PPP2R3A: variants seen among roughly 807,000 people sequenced by gnomAD.
PPP2R3A encodes serine/threonine-protein phosphatase 2A regulatory subunit B'' subunit alpha.
Under a neutral mutation model 106.9 loss-of-function variants are expected in PPP2R3A, and 80 were observed. The ratio of observed to expected loss-of-function variants is 0.75; its 90% CI spans 0.62 to 0.90. The LOEUF (loss-of-function observed/expected upper bound fraction) is 0.90. Ranked by LOEUF, PPP2R3A falls within the 40% of genes least tolerant of loss-of-function variation. PPP2R3A has a pLI of 0.00. For missense variants in PPP2R3A, 1,386 were observed against 1,350.4 expected, an observed-to-expected ratio of 1.03 and a Z score of -0.41; for synonymous variants, 483 against 468.3, an observed-to-expected ratio of 1.03 and a Z score of -0.41.
chr3:136,131,808 T>C (rs1029358317), intron 13 of PPP2R3A, among the ~76,000 whole-genome samples: 4 of 152,194 alleles, frequency 2.6e-5, no homozygotes, highest in African/African-American at 9.7e-5. Flanking sequence ...GTGGTACATA[T>C]ACACCATGGA....
chr3:136,109,262 GACTA>G (rs1456387867), intron 13 of PPP2R3A, among the ~76,000 whole-genome samples: 2 of 152,234 alleles, frequency 1.3e-5, no homozygotes, highest in South Asian at 4.1e-4. Context: ...ACTAAAGCCA[GACTA>G]ACTATTCTAA....
At chr3:136,068,687 C>A (rs6439623) in intron 5 of PPP2R3A, among the ~76,000 whole-genome samples, 69,544 of 152,058 alleles carry the variant, frequency 0.46, 18,344 homozygotes, top group African/African-American at 0.74. Flanking sequence ...AATGAGAGAA[C>A]TTTTGAGGAG....
At chr3:136,011,043 A>G (rs1207398390) in intron 2 of PPP2R3A, among the ~76,000 whole-genome samples, 3 of 152,054 alleles carry the variant, frequency 2.0e-5, no homozygotes, top group Admixed American at 6.5e-5. Context: ...CTTTCTAAAT[A>G]TACCAGACAT....
At chr3:136,093,195 G>A (rs964954787) in intron 10 of PPP2R3A, among the ~76,000 whole-genome samples, 9 of 152,194 alleles carry the variant, frequency 5.9e-5, no homozygotes, top group Non-Finnish European at 1.2e-4. Flanking sequence ...GATTGCCCAA[G>A]CTCAGGAATT....
chr3:136,084,291 C>G (rs1391789565), intron 8 of PPP2R3A, among the ~76,000 whole-genome samples: 2 of 152,254 alleles, frequency 1.3e-5, no homozygotes, highest in African/African-American at 4.8e-5. Context: ...CAACATACAG[C>G]TCAGGCCGTT....
chr3:136,077,209 G>T (rs1400443825), intron 6 of PPP2R3A, among the ~76,000 whole-genome samples: 1 of 152,082 alleles, frequency 6.6e-6, no homozygotes, highest in African/African-American at 2.4e-5. Context: ...GATAGCAGGG[G>T]TGGGGTAGTG....
intron 13 of PPP2R3A, among the ~76,000 whole-genome samples, chr3:136,129,501 G>C (rs555596326): frequency 5.3e-5 from 8 of 152,124 alleles, no homozygotes; most frequent in Non-Finnish European, 8.8e-5. Context: ...CCAATAACAG[G>C]CTCTGAAATT....
chr3:136,138,695 A>ATTTTTTTTTTTTTTTTTTTTT lies in PPP2R3A; in HGVS notation c.3330-6333_3330-6313dup, dbSNP rs747811648. ...AGACTCCAAACTAGAGAAATATTGA[A>ATTTTTTTTTTTTTTTTTTTTT]TTTTTTTTTTTTTTTTTTTTTTTTT... On this transcript the variant is annotated intron_variant, in intron 13 of 13. Coordinates refer to ENST00000264977, the MANE Select transcript of PPP2R3A (RefSeq NM_002718.5). 1.6e-4 allele frequency among the ~76,000 whole-genome samples: 8 copies of ATTTTTTTTTTTTTTTTTTTTT among 50,598 alleles called. 1 individual carries two copies. Among genetic ancestry groups the ATTTTTTTTTTTTTTTTTTTTT allele is most frequent in the African/African-American group, 2.8e-4 (3 of 10,816 alleles). 33.2% of individuals were successfully genotyped at this position (50,598 alleles called of 152,430 possible). A position where few individuals can be genotyped will look rare whatever the true frequency, so the allele number is the denominator to read the frequency against.
chr3:136,096,213 A>G (rs1395086754), intron 10 of PPP2R3A, among the ~76,000 whole-genome samples: 1 of 152,234 alleles, frequency 6.6e-6, no homozygotes, highest in South Asian at 2.1e-4. Context: ...TCAAACCATC[A>G]TAAGTCAGGG....
At chr3:136,087,298 T>A (rs1042803578) in intron 8 of PPP2R3A, among the ~76,000 whole-genome samples, 2 of 138,122 alleles carry the variant, frequency 1.4e-5, no homozygotes, top group South Asian at 2.4e-4. Flanking sequence ...TCTCTCTCTC[T>A]CACCAACATG....
intron 3 of PPP2R3A, among the ~76,000 whole-genome samples, chr3:136,028,947 G>A (rs1934763544): frequency 6.6e-6 from 1 of 152,252 alleles, no homozygotes; most frequent in South Asian, 2.1e-4. Flanking sequence ...CCACCTCCCA[G>A]ATTCAAGCGA....
At chr3:136,139,685 C>T (rs1938774251) in intron 13 of PPP2R3A, among the ~76,000 whole-genome samples, 2 of 140,468 alleles carry the variant, frequency 1.4e-5, no homozygotes, top group South Asian at 2.3e-4. Flanking sequence ...GAGCGAGACT[C>T]CATCTCAAAA....
rs2107760031 is a variant in PPP2R3A, at chr3:135,981,664, TAC to T, written c.-441+15817_-441+15818del. On this transcript the variant is annotated intron_variant, in intron 1 of 13. Coordinates refer to ENST00000264977, the MANE Select transcript of PPP2R3A (RefSeq NM_002718.5). Reference sequence around the variant, plus strand: ...AAACAAAATCCTTGCCTTTGGAGTGTACATTCTATTGCAGGGATAAAGACAGT... The same window carrying T: ...AAACAAAATCCTTGCCTTTGGAGTGTATTCTATTGCAGGGATAAAGACAGT... Among the ~76,000 whole-genome samples, 2 of 151,978 alleles carry T rather than the reference TAC, an allele frequency of 1.3e-5. 1 individual carries two copies. Among genetic ancestry groups the T allele is most frequent in the African/African-American group, 4.9e-5 (2 of 41,224 alleles).
At chr3:135,992,315 T>A (rs1325997177) in intron 1 of PPP2R3A, among the ~76,000 whole-genome samples, 1 of 152,154 alleles carries the variant, frequency 6.6e-6, no homozygotes, top group Non-Finnish European at 1.5e-5. Flanking sequence ...AAATAAAAAG[T>A]TTTCAAGACA....
At chr3:136,091,790 T>G (rs1176867554) in intron 10 of PPP2R3A, among the ~76,000 whole-genome samples, 1 of 152,124 alleles carries the variant, frequency 6.6e-6, no homozygotes, top group Non-Finnish European at 1.5e-5. Context: ...TACCAGTAAT[T>G]TTAATACCCA....
chr3:136,145,841 C>CAAGAT lies in PPP2R3A; in HGVS notation c.*678_*682dup, dbSNP rs1939097193. The CAAGAT allele has an allele frequency of 6.6e-6, 1 of 152,328 alleles. No individual in the cohort carries two copies. The highest frequency in any genetic ancestry group is 2.4e-5 in the African/African-American group (1 of 41,394). 9.4% of individuals were successfully genotyped at this position (152,328 alleles called of 1,614,324 possible). A position where few individuals can be genotyped will look rare whatever the true frequency, so the allele number is the denominator to read the frequency against. On this transcript the variant is annotated 3_prime_UTR_variant, in exon 14 of 14. Transcript: ENST00000264977. ...TGACTGTGGATCTTATATAAAATCT[C>CAAGAT]AAGATAAAAAAACACTTCTTAAATG... is the stretch of plus-strand genomic sequence containing the variant.
At chr3:136,085,476 C>T (rs989166540) in intron 8 of PPP2R3A, among the ~76,000 whole-genome samples, 12 of 152,074 alleles carry the variant, frequency 7.9e-5, no homozygotes, top group Admixed American at 2.0e-4. Flanking sequence ...GATGGGGTTT[C>T]GCCTTGTTGC....
At chr3:136,035,232 T>G (rs911258914) in intron 3 of PPP2R3A, among the ~76,000 whole-genome samples, 1 of 152,218 alleles carries the variant, frequency 6.6e-6, no homozygotes. Context: ...TAGTGAGATA[T>G]GAGGTACCAT....
chr3:136,080,109 G>A (rs1318358264), intron 7 of PPP2R3A, among the ~76,000 whole-genome samples: 1 of 152,050 alleles, frequency 6.6e-6, no homozygotes, highest in Non-Finnish European at 1.5e-5. Context: ...CTGCTATTTT[G>A]AGGGTTTTCA....
Sources: gnomAD v4.1 joint callset for allele counts (sites outside exome capture counted in the v4.1 genomes callset) on GRCh38, gnomAD v4.1.1 for gene constraint, MANE v1.5 for transcripts, NCBI Gene and HGNC (gene_info 2026-07-23, HGNC 2026-07-21) for gene names.